The following VSNL1 variants were observed in gnomAD, a reference collection of about 807,000 sequenced individuals.
VSNL1 encodes the protein visinin-like protein 1.
In VSNL1, 6 loss-of-function variants were observed where a neutral mutation model predicts 20.4. That is an observed-to-expected ratio of 0.29 (90% CI 0.16 to 0.58). VSNL1 has a LOEUF of 0.58. Among genes scored for constraint, VSNL1 ranks in the 20% least tolerant of loss-of-function variants. The pLI is 0.90. For missense variants in VSNL1, 100 were observed against 234.5 expected (o/e 0.43, Z 3.75); for synonymous variants, 93 against 86.4 (o/e 1.08, Z -0.42).
intron 2 of VSNL1, among the ~76,000 whole-genome samples, chr2:17,621,488 A>T (rs1665357825): frequency 6.6e-6 from 1 of 151,868 alleles, no homozygotes; most frequent in African/African-American, 2.4e-5. Flanking sequence ...ACACCCAGAT[A>T]ATTTTTGTAT....
At chr2:17,602,032 A>G (rs954272408) in intron 2 of VSNL1, among the ~76,000 whole-genome samples, 2 of 152,220 alleles carry the variant, frequency 1.3e-5, no homozygotes, top group African/African-American at 4.8e-5. Context: ...CTCAGTGAAA[A>G]GCTGTTTTAC....
intron 1 of VSNL1, among the ~76,000 whole-genome samples, chr2:17,550,241 G>A (rs1334987481): frequency 6.6e-6 from 1 of 152,112 alleles, no homozygotes; most frequent in African/African-American, 2.4e-5. Context: ...TATGTCCCCT[G>A]TCTTCTCCCC....
At chr2:17,563,268 A>G (rs921534349) in intron 1 of VSNL1, among the ~76,000 whole-genome samples, 1 of 152,226 alleles carries the variant, frequency 6.6e-6, no homozygotes, top group African/African-American at 2.4e-5. Flanking sequence ...TCTCCATTTA[A>G]CAGAAGAGGA....
At chr2:17,621,348 A>T (rs774377986) in intron 2 of VSNL1, among the ~76,000 whole-genome samples, 1 of 137,274 alleles carries the variant, frequency 7.3e-6, no homozygotes, top group Non-Finnish European at 1.6e-5. Flanking sequence ...TCTGAGACAC[A>T]GTCTCACTCT....
intron 2 of VSNL1, among the ~76,000 whole-genome samples, chr2:17,632,837 C>T (rs2103413807): frequency 6.6e-6 from 1 of 152,248 alleles, no homozygotes; most frequent in East Asian, 1.9e-4. Flanking sequence ...ATTAAAAATA[C>T]TTCTTGGATG....
chr2:17,544,148 C>T (rs912182015), intron 1 of VSNL1, among the ~76,000 whole-genome samples: 1 of 152,170 alleles, frequency 6.6e-6, no homozygotes, highest in South Asian at 2.1e-4. Context: ...GAGTAGGTAA[C>T]TACTCTTGGA....
At position 17,624,810 on chromosome 2, in the gene VSNL1, T is replaced by A. The variant is rs550121316; in HGVS notation, c.163-24600T>A. 2.6e-5 allele frequency among the ~76,000 whole-genome samples: 4 copies of A among 152,302 alleles called. No homozygotes were observed. In the South Asian group the frequency reaches 8.3e-4, roughly 32 times the overall value. ...TCCAACTCCCAGAACTATAAGATAA[T>A]GAATGTATTGCTTTAAACCAAAATG... is the stretch of plus-strand genomic sequence containing the variant. On this transcript the variant is annotated intron_variant, in intron 2 of 3. Transcript: ENST00000295156.
rs865982128 is a variant in VSNL1 at position 17,652,836 on chromosome 2, G to A, written c.379-2361G>A. Among the ~76,000 whole-genome samples the A allele has an allele frequency of 5.3e-5, 8 of 152,096 alleles. 1 individual carries two copies. Among genetic ancestry groups the A allele is most frequent in the Non-Finnish European group, 1.2e-4 (8 of 68,028 alleles). On this transcript the variant is annotated intron_variant, in intron 3 of 3. Coordinates refer to ENST00000295156, the MANE Select transcript of VSNL1 (RefSeq NM_003385.5). ...GGCTCCCTCTCTGGTCCTCTGCCCC[G>A]AAATTTCTGGCTATCTTCACCTTCC... is the stretch of plus-strand genomic sequence containing the variant.
intron 1 of VSNL1, among the ~76,000 whole-genome samples, chr2:17,542,747 G>A (rs1468850534): frequency 6.6e-6 from 1 of 152,112 alleles, no homozygotes; most frequent in Admixed American, 6.5e-5. Context: ...ATAAAGAGGG[G>A]TGGTAGAGGA....
At chr2:17,622,706 T>A (rs987352686) in intron 2 of VSNL1, among the ~76,000 whole-genome samples, 2 of 152,212 alleles carry the variant, frequency 1.3e-5, no homozygotes, top group East Asian at 3.9e-4. Context: ...ATTAGGCTCA[T>A]GGACACATAG....
intron 1 of VSNL1, among the ~76,000 whole-genome samples, chr2:17,575,447 A>G (rs990415919): frequency 6.6e-6 from 1 of 152,120 alleles, no homozygotes; most frequent in Non-Finnish European, 1.5e-5. Flanking sequence ...GACCTTTGTC[A>G]CTCTAGACTA....
chr2:17,633,316 C>G (rs1665677943), intron 2 of VSNL1, among the ~76,000 whole-genome samples: 3 of 138,854 alleles, frequency 2.2e-5, no homozygotes, highest in South Asian at 4.6e-4. Flanking sequence ...GAGACACAGC[C>G]AAACCATATC....
intron 1 of VSNL1, among the ~76,000 whole-genome samples, chr2:17,555,998 G>T (rs1345516162): frequency 6.6e-6 from 1 of 152,166 alleles, no homozygotes; most frequent in African/African-American, 2.4e-5. Context: ...GGTGTTACAC[G>T]AGTGTTAAAA....
intron 2 of VSNL1, among the ~76,000 whole-genome samples, chr2:17,603,987 G>C (rs544940064): frequency 6.6e-6 from 1 of 152,226 alleles, no homozygotes; most frequent in African/African-American, 2.4e-5. Flanking sequence ...TCAACACCAG[G>C]GGGGTCAGCA....
intron 2 of VSNL1, among the ~76,000 whole-genome samples, chr2:17,646,320 A>G (rs1221049331): frequency 6.6e-6 from 1 of 152,254 alleles, no homozygotes; most frequent in Middle Eastern, 3.2e-3. Context: ...TAAGAATTAC[A>G]TAATGCAACA....
chr2:17,545,307 C>T lies in VSNL1; in HGVS notation c.-6+4389C>T, dbSNP rs1045972982. On this transcript the variant is annotated intron_variant, in intron 1 of 3. Coordinates refer to ENST00000295156, the MANE Select transcript of VSNL1 (RefSeq NM_003385.5). ...TATACTTGAATGACAGAGAGAGACC[C>T]TATCTCAAAAAAATTATTTTATGAT... 3.9e-5 allele frequency among the ~76,000 whole-genome samples: 6 copies of T among 151,924 alleles called. No homozygotes were observed. In the South Asian group the frequency reaches 1.2e-3, roughly 32 times the overall value.
intron 2 of VSNL1, among the ~76,000 whole-genome samples, chr2:17,644,883 G>C (rs560412072): frequency 3.5e-4 from 53 of 152,358 alleles, no homozygotes; most frequent in African/African-American, 1.3e-3. Context: ...TGGAGGTTGA[G>C]CAACTGTATT....
chr2:17,574,820 GT>G, intron 1 of VSNL1, among the ~76,000 whole-genome samples: 1 of 152,178 alleles, frequency 6.6e-6, no homozygotes, highest in African/African-American at 2.4e-5. Context: ...AGCCTGGAGT[GT>G]AGTGCTGTGA....
rs147350354 is a variant in VSNL1 at position 17,584,076 on chromosome 2, T to C, written c.-5-7994T>C. ...TTATTTTATTTGAAAAATGGGGAGA[T>C]TGGGGTTCCAGTGGGCTAAGTAACT... On this transcript the variant is annotated intron_variant, in intron 1 of 3. Coordinates refer to ENST00000295156, the MANE Select transcript of VSNL1 (RefSeq NM_003385.5). 2.8e-4 allele frequency among the ~76,000 whole-genome samples: 42 copies of C among 152,294 alleles called. No individual in the cohort carries two copies. The East Asian group carries it at 7.3e-3, about 27-fold the overall frequency.
Sources: allele counts gnomAD v4.1 joint callset (sites outside exome capture counted in the v4.1 genomes callset), GRCh38; gene constraint gnomAD v4.1.1; transcripts MANE v1.5; gene names NCBI Gene and HGNC (gene_info 2026-07-23, HGNC 2026-07-21).